PTPRT: variants seen among roughly 807,000 people sequenced by gnomAD.
PTPRT encodes the protein receptor-type tyrosine-protein phosphatase T.
A neutral mutation model predicts 176.8 loss-of-function variants in PTPRT; 56 were observed. The ratio of observed to expected loss-of-function variants is 0.32; its 90% confidence interval spans 0.26 to 0.40. The LOEUF is 0.40. Ranked by LOEUF, PTPRT falls within the 10% of genes least tolerant of loss-of-function variation. PTPRT has a pLI of 1.00. For synonymous variants in PTPRT, 783 were observed against 739.0 expected (o/e 1.06, Z -0.96); for missense variants, 1,540 against 1,908.2 (o/e 0.81, Z 3.60).
At chr20:42,391,675 C>T (rs1340058066) in intron 9 of PTPRT, among the ~76,000 whole-genome samples, 4 of 152,086 alleles carry the variant, frequency 2.6e-5, no homozygotes, top group Admixed American at 6.6e-5. Flanking sequence ...AATGATAGAG[C>T]TTGGATGAGC....
At chr20:42,867,389 GA>G (rs1023674793) in intron 2 of PTPRT, among the ~76,000 whole-genome samples, 1 of 126,034 alleles carries the variant, frequency 7.9e-6, no homozygotes, top group African/African-American at 3.1e-5. Context: ...AAAGAACACA[GA>G]TTTTTTTTTT....
intron 1 of PTPRT, among the ~76,000 whole-genome samples, chr20:43,171,597 C>T (rs1234046124): frequency 6.6e-6 from 1 of 152,132 alleles, no homozygotes; most frequent in Non-Finnish European, 1.5e-5. Context: ...AAGACCCCAC[C>T]CAGGATTAAT....
intron 1 of PTPRT, among the ~76,000 whole-genome samples, chr20:43,141,465 G>A (rs2014001355): frequency 6.6e-6 from 1 of 152,160 alleles, no homozygotes; most frequent in South Asian, 2.1e-4. Flanking sequence ...TTCACATGGA[G>A]GTGTCAGCAG....
chr20:42,919,434 A>G (rs1343747223), intron 1 of PTPRT, among the ~76,000 whole-genome samples: 1 of 152,198 alleles, frequency 6.6e-6, no homozygotes, highest in Non-Finnish European at 1.5e-5. Context: ...CAAAGACATG[A>G]GAGTGATGGC....
chr20:43,041,635 G>C (rs1244390262), intron 1 of PTPRT, among the ~76,000 whole-genome samples: 1 of 152,190 alleles, frequency 6.6e-6, no homozygotes, highest in Non-Finnish European at 1.5e-5. Context: ...ATCATTTTCG[G>C]CTGGAAAGTA....
intron 1 of PTPRT, among the ~76,000 whole-genome samples, chr20:43,155,928 G>A (rs945288157): frequency 1.3e-5 from 2 of 152,178 alleles, no homozygotes; most frequent in African/African-American, 2.4e-5. Context: ...TGTGAAGGGA[G>A]CCAAGTCGCT....
At chr20:42,935,637 A>G (rs188882995) in intron 1 of PTPRT, among the ~76,000 whole-genome samples, 1 of 152,324 alleles carries the variant, frequency 6.6e-6, no homozygotes, top group East Asian at 1.9e-4. Context: ...TGGGATATTC[A>G]TTCATTCATT....
At chr20:42,369,830 C>T (rs1401463327) in intron 9 of PTPRT, among the ~76,000 whole-genome samples, 1 of 152,214 alleles carries the variant, frequency 6.6e-6, no homozygotes, top group Admixed American at 6.5e-5. Flanking sequence ...TCATCCCCTG[C>T]TCAAGATTTT....
chr20:42,366,943 C>A (rs759021224), intron 9 of PTPRT, among the ~76,000 whole-genome samples: 1 of 152,188 alleles, frequency 6.6e-6, no homozygotes. Flanking sequence ...GGCTTTGAGA[C>A]GTTGCCTTTT....
rs371973728 is a variant in PTPRT at position 42,785,953 on chromosome 20, T to G, written c.486+5242A>C. 7.9e-5 allele frequency among the ~76,000 whole-genome samples: 12 copies of G among 152,282 alleles called. No homozygotes were observed. The South Asian group carries it at 1.7e-3, about 21-fold the overall frequency. The stretch of plus-strand genomic sequence containing the variant: ...AATTGTAATCCCCATAATCCCTACA[T>G]GTTGAGAGACGAACGTGGTGGGAGG... On this transcript the variant is annotated intron_variant, in intron 3 of 30. Coordinates refer to ENST00000373187, the MANE Select transcript of PTPRT (RefSeq NM_007050.6).
chr20:42,133,241 T>C (rs1474760761), intron 18 of PTPRT, among the ~76,000 whole-genome samples: 1 of 152,216 alleles, frequency 6.6e-6, no homozygotes, highest in African/African-American at 2.4e-5. Context: ...AGGTTAGGTA[T>C]ATTAAATGCA....
At chr20:43,098,215 G>A (rs2012245861) in intron 1 of PTPRT, among the ~76,000 whole-genome samples, 1 of 150,220 alleles carries the variant, frequency 6.7e-6, no homozygotes, top group African/African-American at 2.5e-5. Context: ...TATTTAATTT[G>A]CAGCTAAGAC....
intron 16 of PTPRT, 96 bp downstream of exon 16, chr20:42,199,144 C>G: frequency 6.9e-7 from 1 of 1,445,200 alleles, no homozygotes; most frequent in Non-Finnish European, 9.5e-7. Flanking sequence ...TACCCTATGC[C>G]TGGCAGCACC....
intron 16 of PTPRT, among the ~76,000 whole-genome samples, chr20:42,173,462 C>T (rs963049304): frequency 6.6e-6 from 1 of 152,106 alleles, no homozygotes; most frequent in Non-Finnish European, 1.5e-5. Context: ...AAGGGTTTCA[C>T]TATTTTTTAA....
At chr20:42,258,052 G>A (rs986843160) in intron 13 of PTPRT, among the ~76,000 whole-genome samples, 11 of 152,204 alleles carry the variant, frequency 7.2e-5, no homozygotes, top group East Asian at 1.9e-4. Flanking sequence ...GGGAGAGACC[G>A]TTCAGCAGAG....
At chr20:42,769,315 A>T (rs554603740) in intron 5 of PTPRT, among the ~76,000 whole-genome samples, 1 of 152,354 alleles carries the variant, frequency 6.6e-6, no homozygotes, top group South Asian at 2.1e-4. Context: ...AAGTGACAAC[A>T]TGAACTTCCA....
At position 42,363,105 on chromosome 20, in the gene PTPRT, GAA is replaced by G. The variant is rs71193658; in HGVS notation, c.1561-10822_1561-10821del. On this transcript the variant is annotated intron_variant, in intron 9 of 30. Transcript: ENST00000373187. ...GGCGACAGAGCAAGACTCCATTTCA[GAA>G]AAAAAAAAAAAAAAAAAAAGAACTA... Among the ~76,000 whole-genome samples the G allele has an allele frequency of 2.7e-3, 128 of 47,200 alleles. 2 individuals carry two copies. The highest frequency in any genetic ancestry group is 0.011 in the African/African-American group (125 of 11,246). 31.0% of individuals were successfully genotyped at this position (47,200 alleles called of 152,430 possible). A position where few individuals can be genotyped will look rare whatever the true frequency, so the allele number is the denominator to read the frequency against.
chr20:42,606,515 G>A (rs1389443333), intron 7 of PTPRT, among the ~76,000 whole-genome samples: 1 of 152,206 alleles, frequency 6.6e-6, no homozygotes, highest in Non-Finnish European at 1.5e-5. Flanking sequence ...CCTTTTGGTT[G>A]ATAAAACATG....
intron 16 of PTPRT, among the ~76,000 whole-genome samples, chr20:42,168,637 C>T (rs1989938414): frequency 6.6e-6 from 1 of 152,160 alleles, no homozygotes; most frequent in South Asian, 2.1e-4. Flanking sequence ...CTCGAAAATC[C>T]CTCTCTCAAT....
Sources: allele counts gnomAD v4.1 joint callset (sites outside exome capture counted in the v4.1 genomes callset), GRCh38; gene constraint gnomAD v4.1.1; transcripts MANE v1.5; gene names NCBI Gene and HGNC (gene_info 2026-07-23, HGNC 2026-07-21).